The following MTUS2 variants were observed in gnomAD, a reference collection of about 807,000 sequenced individuals.
MTUS2 encodes the protein microtubule-associated tumor suppressor candidate 2.
MTUS2 carries 40 observed loss-of-function variants against 114.1 expected under a neutral mutation model. The observed-to-expected ratio is 0.35, with a 90% CI of 0.27 to 0.46. The LOEUF (loss-of-function observed/expected upper bound fraction) is 0.46. Ranked by LOEUF, MTUS2 falls within the 20% of genes least tolerant of loss-of-function variation. The pLI, the probability that MTUS2 is intolerant of heterozygous loss-of-function variation, is 1.00. For synonymous variants in MTUS2, 688 were observed against 672.0 expected (o/e 1.02, Z -0.37); for missense variants, 1,679 against 1,705.4 (o/e 0.98, Z 0.27).
chr13:28,875,620 C>T (rs1877884966), intron 2 of MTUS2, among the ~76,000 whole-genome samples: 1 of 152,144 alleles, frequency 6.6e-6, no homozygotes, highest in Admixed American at 6.5e-5. Context: ...TGGATTTAGC[C>T]TCTTCCCAGG....
intron 2 of MTUS2, among the ~76,000 whole-genome samples, chr13:28,953,239 T>C (rs746348927): frequency 1.3e-5 from 2 of 151,962 alleles, no homozygotes; most frequent in African/African-American, 2.4e-5. Flanking sequence ...CTGGGCGCAG[T>C]GTCTCATGCC....
At chr13:28,974,890 G>T (rs1439023249) in intron 2 of MTUS2, among the ~76,000 whole-genome samples, 8 of 152,088 alleles carry the variant, frequency 5.3e-5, no homozygotes, top group African/African-American at 7.2e-5. Context: ...ATAGTCAGTA[G>T]AATGAATAAT....
rs117278814 is a variant in MTUS2 at position 29,492,516 on chromosome 13, T to A, written c.3506-130T>A. On this transcript the variant is annotated intron_variant, in intron 11 of 15. Transcript: ENST00000612955. The stretch of plus-strand genomic sequence containing the variant: ...ATTTCAAACCAGTGGAGGAGTCCCC[T>A]TAGGCTTGAATCTGCTATACGGGAG... 6 of 643,856 alleles carry A rather than the reference T, an allele frequency of 9.3e-6. No homozygotes were observed. The East Asian group carries it at 1.4e-4, about 15-fold the overall frequency. 39.9% of individuals were successfully genotyped at this position (643,856 alleles called of 1,614,324 possible). A position where few individuals can be genotyped will look rare whatever the true frequency, so the allele number is the denominator to read the frequency against.
chr13:28,912,788 A>G (rs1165415840), intron 2 of MTUS2, among the ~76,000 whole-genome samples: 1 of 152,014 alleles, frequency 6.6e-6, no homozygotes, highest in Non-Finnish European at 1.5e-5. Context: ...GCAATTGTGA[A>G]TGGGATTTCA....
intron 4 of MTUS2, among the ~76,000 whole-genome samples, chr13:29,063,468 C>T (rs1385633401): frequency 2.6e-5 from 4 of 152,112 alleles, no homozygotes; most frequent in Non-Finnish European, 5.9e-5. Flanking sequence ...TATAAATAAC[C>T]AGAGAAATTC....
intron 6 of MTUS2, among the ~76,000 whole-genome samples, chr13:29,318,025 G>T (rs1006301648): frequency 6.6e-6 from 1 of 152,110 alleles, no homozygotes; most frequent in Non-Finnish European, 1.5e-5. Context: ...TGCAATCCTC[G>T]TGTTCCCTGT....
chr13:28,823,130 G>A (rs1361437791), intron 1 of MTUS2, among the ~76,000 whole-genome samples: 2 of 152,266 alleles, frequency 1.3e-5, no homozygotes, highest in Non-Finnish European at 2.9e-5. Flanking sequence ...ACTATTGAAA[G>A]ATGCTTCATT....
intron 8 of MTUS2, among the ~76,000 whole-genome samples, chr13:29,377,003 G>T (rs1473073659): frequency 1.3e-5 from 2 of 152,054 alleles, no homozygotes; most frequent in Non-Finnish European, 2.9e-5. Context: ...TATGATAGAA[G>T]AAGTATCATA....
intron 4 of MTUS2, among the ~76,000 whole-genome samples, chr13:29,049,715 GAGCAA>G (rs1396069975): frequency 1.3e-5 from 2 of 152,186 alleles, no homozygotes; most frequent in Non-Finnish European, 2.9e-5. Context: ...TCCCACGTTA[GAGCAA>G]TGGGGCCGAG....
rs150881347 is a variant in MTUS2, at chr13:29,192,195, T to G, written c.2645-89509T>G. Among the ~76,000 whole-genome samples, 980 of 152,370 alleles carry G rather than the reference T, an allele frequency of 6.4e-3. 5 individuals carry two copies. The highest frequency in any genetic ancestry group is 9.2e-3 in the Non-Finnish European group (628 of 68,038). On this transcript the variant is annotated intron_variant, in intron 5 of 15. Transcript: ENST00000612955. ...TCTTAGATATTTTGGTTAGATTTTC[T>G]GAGACTTTTTTATTAGAATTTAGTG...
At chr13:29,295,509 A>G (rs1898901869) in intron 6 of MTUS2, among the ~76,000 whole-genome samples, 1 of 152,142 alleles carries the variant, frequency 6.6e-6, no homozygotes, top group African/African-American at 2.4e-5. Flanking sequence ...CATGTTAATG[A>G]GAACATTTAG....
intron 2 of MTUS2, among the ~76,000 whole-genome samples, chr13:29,014,754 A>C (rs767101246): frequency 5.9e-5 from 9 of 152,252 alleles, no homozygotes; most frequent in Non-Finnish European, 1.2e-4. Flanking sequence ...AGTGCCATGC[A>C]GGCCAGGTTA....
chr13:29,102,856 T>C (rs1890479116), intron 5 of MTUS2, among the ~76,000 whole-genome samples: 1 of 152,200 alleles, frequency 6.6e-6, no homozygotes, highest in African/African-American at 2.4e-5. Flanking sequence ...AAATAAAATA[T>C]GAAGCTCTTG....
At chr13:29,456,552 G>A (rs547397544) in intron 9 of MTUS2, among the ~76,000 whole-genome samples, 24 of 152,224 alleles carry the variant, frequency 1.6e-4, no homozygotes, top group African/African-American at 5.8e-4. Flanking sequence ...CCACACCGAA[G>A]CACACCAGAG....
intron 5 of MTUS2, among the ~76,000 whole-genome samples, chr13:29,266,802 T>A (rs1897684013): frequency 6.6e-6 from 1 of 152,174 alleles, no homozygotes; most frequent in South Asian, 2.1e-4. Flanking sequence ...CAGTAATTTA[T>A]CTGCTTGGAC....
intron 2 of MTUS2, among the ~76,000 whole-genome samples, chr13:28,930,589 C>T (rs1487498224): frequency 2.6e-5 from 4 of 152,144 alleles, no homozygotes; most frequent in African/African-American, 9.7e-5. Flanking sequence ...GTTAGCATTT[C>T]AACAAGAACA....
chr13:29,176,317 T>C (rs1195709179), intron 5 of MTUS2, among the ~76,000 whole-genome samples: 1 of 152,174 alleles, frequency 6.6e-6, no homozygotes, highest in East Asian at 1.9e-4. Context: ...ACCTGGTTCA[T>C]GTTCTGTCCT....
intron 5 of MTUS2, among the ~76,000 whole-genome samples, chr13:29,226,681 CT>C (rs5802511): frequency 0.79 from 119,890 of 152,056 alleles, 47,494 homozygotes; most frequent in East Asian, 0.89. Context: ...CTTGAATTAC[CT>C]TTATTTATAC....
intron 2 of MTUS2, among the ~76,000 whole-genome samples, chr13:28,883,441 A>G (rs1878411574): frequency 6.6e-6 from 1 of 152,234 alleles, no homozygotes; most frequent in East Asian, 1.9e-4. Flanking sequence ...TGATACATCC[A>G]TACCATGGAA....
Sources: gnomAD v4.1 joint callset for allele counts (sites outside exome capture counted in the v4.1 genomes callset) on GRCh38, gnomAD v4.1.1 for gene constraint, MANE v1.5 for transcripts, NCBI Gene and HGNC (gene_info 2026-07-23, HGNC 2026-07-21) for gene names.